RUNX3: variants seen among roughly 807,000 people sequenced by gnomAD.
The protein encoded by RUNX3 is runt-related transcription factor 3.
RUNX3 carries 10 observed loss-of-function variants against 27.7 expected under a neutral mutation model. The ratio of observed to expected loss-of-function variants is 0.36; its 90% CI spans 0.22 to 0.61. The LOEUF (loss-of-function observed/expected upper bound fraction) is 0.61, where lower values mean the gene tolerates loss of function less well. Among genes scored for constraint, RUNX3 ranks in the 20% least tolerant of loss-of-function variants. RUNX3 has a pLI of 0.72. For synonymous variants in RUNX3, 270 were observed against 269.2 expected (o/e 1.00, Z -0.03); for missense variants, 469 against 629.5 (o/e 0.75, Z 2.73).
intron 2 of RUNX3, among the ~76,000 whole-genome samples, chr1:24,949,061 C>CT (rs1641689463): frequency 6.6e-6 from 1 of 152,000 alleles, no homozygotes; most frequent in Non-Finnish European, 1.5e-5. Context: ...ACAGTGAACA[C>CT]TGCGAGTGTC....
At chr1:24,903,572 C>T (rs560909251) in intron 4 of RUNX3, among the ~76,000 whole-genome samples, 81 of 152,282 alleles carry the variant, frequency 5.3e-4, no homozygotes, top group African/African-American at 1.9e-3. Flanking sequence ...ATCACAGACC[C>T]CCAAAACCTC....
Position 24,904,795 on chromosome 1 carries a change from G to A in RUNX3, c.704-2129C>T, listed in dbSNP as rs947922549. ...GGGCCACCACCCCTCCTCCGGGGTG[G>A]TGGGGGAAGTACCTGCCCTCAGCAC... On this transcript the variant is annotated intron_variant, in intron 4 of 4. Coordinates refer to ENST00000308873, the MANE Select transcript of RUNX3 (RefSeq NM_004350.3). The surrounding 1 kb of genome is among the most constrained non-coding windows in gnomAD (Gnocchi z 5.7). 1.3e-5 allele frequency among the ~76,000 whole-genome samples: 2 copies of A among 152,164 alleles called. No homozygotes were observed. The highest frequency in any genetic ancestry group is 4.8e-5 in the African/African-American group (2 of 41,528).
chr1:24,908,467 G>C (rs1482930244), intron 3 of RUNX3, among the ~76,000 whole-genome samples: 1 of 151,718 alleles, frequency 6.6e-6, no homozygotes, highest in South Asian at 2.1e-4. Flanking sequence ...GGCAACTATC[G>C]AGACCCCTGT....
chr1:24,904,012 T>C lies in RUNX3; in HGVS notation c.704-1346A>G, dbSNP rs1640614975. Among the ~76,000 whole-genome samples, 2 of 152,168 alleles carry C rather than the reference T, an allele frequency of 1.3e-5. No individual in the cohort carries two copies. Among genetic ancestry groups the C allele is most frequent in the African/African-American group, 4.8e-5 (2 of 41,440 alleles). Reference sequence around the variant, plus strand: ...ACTGTGGCTGTGGTGTCTCTTACTCTGGGTACCCAGGAGAACTGGCTCATT... The same window carrying C: ...ACTGTGGCTGTGGTGTCTCTTACTCCGGGTACCCAGGAGAACTGGCTCATT... On this transcript the variant is annotated intron_variant, in intron 4 of 4. Coordinates refer to ENST00000308873, the MANE Select transcript of RUNX3 (RefSeq NM_004350.3). This position sits in a 1 kb window ranked among gnomAD's most constrained non-coding sequence, Gnocchi z 5.7.
At chr1:24,939,870 C>G (rs1193714178) in intron 2 of RUNX3, among the ~76,000 whole-genome samples, 1 of 152,224 alleles carries the variant, frequency 6.6e-6, no homozygotes, top group Non-Finnish European at 1.5e-5. Context: ...GGGCACTAGC[C>G]TAGGGGCCCA....
rs1181354770 is a variant in RUNX3, at chr1:24,902,913, G to A, written c.704-247C>T. ...GGGCCATGGGAGCCCCCCCACAGCA[G>A]CAACAGAACAGAGGAGGGGGTCTAT... On this transcript the variant is annotated intron_variant, in intron 4 of 4. Coordinates refer to ENST00000308873, the MANE Select transcript of RUNX3 (RefSeq NM_004350.3). The surrounding 1 kb of genome is among the most constrained non-coding windows in gnomAD (Gnocchi z 9.2). Among the ~76,000 whole-genome samples, 1 of 152,192 alleles carries A rather than the reference G, an allele frequency of 6.6e-6. No homozygotes were observed. The highest frequency in any genetic ancestry group is 2.4e-5 in the African/African-American group (1 of 41,452).
rs1252775030 is a variant in RUNX3 at position 24,923,026 on chromosome 1, C to T, written c.440-3682G>A. Among the ~76,000 whole-genome samples the T allele has an allele frequency of 2.6e-5, 4 of 152,172 alleles. No individual in the cohort carries two copies. Among genetic ancestry groups the T allele is most frequent in the Admixed American group, 1.3e-4 (2 of 15,276 alleles). On this transcript the variant is annotated intron_variant, in intron 2 of 4. Coordinates refer to ENST00000308873, the MANE Select transcript of RUNX3 (RefSeq NM_004350.3). This position sits in a 1 kb window ranked among gnomAD's most constrained non-coding sequence, Gnocchi z 5.9. ...GACGGCATCCGGCACAGAGTAGGTG[C>T]TCAACAACATTTGTTAAATAAATTA...
At chr1:24,950,070 G>A (rs979375080) in intron 2 of RUNX3, among the ~76,000 whole-genome samples, 9 of 152,228 alleles carry the variant, frequency 5.9e-5, no homozygotes, top group Admixed American at 5.9e-4. Flanking sequence ...ATTTCTGGGG[G>A]TCCTGCATGT....
At chr1:24,909,905 G>A (rs1031461022) in intron 3 of RUNX3, among the ~76,000 whole-genome samples, 4 of 152,202 alleles carry the variant, frequency 2.6e-5, no homozygotes, top group African/African-American at 9.7e-5. Flanking sequence ...TTACAAGTAA[G>A]AGAACTGCAA....
intron 2 of RUNX3, among the ~76,000 whole-genome samples, chr1:24,937,877 G>T (rs1469595808): frequency 1.3e-5 from 2 of 152,220 alleles, no homozygotes; most frequent in African/African-American, 4.8e-5. Flanking sequence ...GCAGGTCACT[G>T]CCTTGAGTCT....
intron 2 of RUNX3, among the ~76,000 whole-genome samples, chr1:24,950,559 G>T (rs920917011): frequency 6.6e-6 from 1 of 152,194 alleles, no homozygotes; most frequent in African/African-American, 2.4e-5. Flanking sequence ...ACAGGAGGTG[G>T]GGGGGCCAGG....
chr1:24,920,936 G>C (rs1425657745), intron 2 of RUNX3, among the ~76,000 whole-genome samples: 2 of 152,140 alleles, frequency 1.3e-5, no homozygotes, highest in African/African-American at 4.8e-5. Context: ...TTATGAGATT[G>C]GTGGCCGGGA....
In RUNX3 at chr1:24,927,537, G is replaced by T; in HGVS notation, c.439+37C>A. The T allele has an allele frequency of 6.2e-7, 1 of 1,608,864 alleles. No individual in the cohort carries two copies. The highest frequency in any genetic ancestry group is 1.1e-5 in the South Asian group (1 of 90,962). ...CTCCTTCCCTGCTGCCCCTGCCATT[G>T]CCAATGCTGAAATGGCGAGGCCTCC... On this transcript the variant is annotated intron_variant, in intron 2 of 4. Transcript: ENST00000308873. The surrounding 1 kb of genome is among the most constrained non-coding windows in gnomAD (Gnocchi z 5.0).
chr1:24,922,193 T>C (rs912863991), intron 2 of RUNX3, among the ~76,000 whole-genome samples: 1 of 151,144 alleles, frequency 6.6e-6, no homozygotes, highest in Admixed American at 6.6e-5. Flanking sequence ...TTTCCTTTCT[T>C]TCTTTTTTTT....
chr1:24,950,535 C>T (rs999877679), intron 2 of RUNX3, among the ~76,000 whole-genome samples: 13 of 152,196 alleles, frequency 8.5e-5, no homozygotes, highest in African/African-American at 1.2e-4. Context: ...AACTGCTGAG[C>T]GTTAAATTCA....
rs1187129933 is a variant in RUNX3 at position 24,923,199 on chromosome 1, C to A, written c.440-3855G>T. ...TCGGCCGCTTCCACCAGCTTCCACG[C>A]CTGTCACCACCCCTCCCAGGTACAA... On this transcript the variant is annotated intron_variant, in intron 2 of 4. Transcript: ENST00000308873. The surrounding 1 kb of genome is among the most constrained non-coding windows in gnomAD (Gnocchi z 5.9). Among the ~76,000 whole-genome samples, 1 of 152,152 alleles carries A rather than the reference C, an allele frequency of 6.6e-6. No homozygotes were observed. The highest frequency in any genetic ancestry group is 2.4e-5 in the African/African-American group (1 of 41,414).
At chr1:24,906,058 T>G (rs1419220672) in intron 4 of RUNX3, among the ~76,000 whole-genome samples, 1 of 152,340 alleles carries the variant, frequency 6.6e-6, no homozygotes, top group African/African-American at 2.4e-5. Flanking sequence ...AGGGGTCCTC[T>G]CTTCACACTG....
intron 1 of RUNX3, among the ~76,000 whole-genome samples, chr1:24,928,141 A>G (rs1005248039): frequency 4.6e-5 from 7 of 152,218 alleles, no homozygotes; most frequent in Non-Finnish European, 5.9e-5. Flanking sequence ...AACAACAATA[A>G]TAACAACAGG....
At chr1:24,934,476 A>G (rs1641300858), upstream of RUNX3, among the ~76,000 whole-genome samples, 1 of 152,232 alleles carries the variant, frequency 6.6e-6, no homozygotes, top group Admixed American at 6.5e-5. Flanking sequence ...GTGCGGTCTG[A>G]GACTTTTGCC....
Sources: allele counts gnomAD v4.1 joint callset (sites outside exome capture counted in the v4.1 genomes callset), GRCh38; gene constraint gnomAD v4.1.1; non-coding constraint Gnocchi (gnomAD v3.1); transcripts MANE v1.5; gene names NCBI Gene and HGNC (gene_info 2026-07-23, HGNC 2026-07-21).